MYLK: variants seen among roughly 807,000 people sequenced by gnomAD.
MYLK encodes myosin light chain kinase.
In MYLK, 106 loss-of-function variants were observed where a neutral mutation model predicts 203.4. The observed-to-expected ratio is 0.52, with a 90% CI of 0.45 to 0.61. MYLK has a LOEUF of 0.61. Ranked by LOEUF, MYLK falls within the 20% of genes least tolerant of loss-of-function variation. MYLK has a pLI of 0.00. For missense variants in MYLK, 2,072 were observed against 2,442.3 expected (o/e 0.85, Z 3.20); for synonymous variants, 867 against 959.5 (o/e 0.90, Z 1.78).
At chr3:123,850,504 G>C (rs1221041672) in intron 2 of MYLK, among the ~76,000 whole-genome samples, 2 of 152,182 alleles carry the variant, frequency 1.3e-5, no homozygotes, top group Non-Finnish European at 2.9e-5. Flanking sequence ...GTGATGATGA[G>C]CATTTTTTCA....
chr3:123,843,748 C>T (rs2066647869), intron 2 of MYLK, among the ~76,000 whole-genome samples: 1 of 152,152 alleles, frequency 6.6e-6, no homozygotes, highest in African/African-American at 2.4e-5. Context: ...TTCCCTGCCC[C>T]TCTCCTCCAT....
intron 1 of MYLK, among the ~76,000 whole-genome samples, chr3:123,879,305 C>G (rs2033363527): frequency 6.6e-6 from 1 of 152,166 alleles, no homozygotes; most frequent in South Asian, 2.1e-4. Flanking sequence ...AACCTCAGGA[C>G]AAGCACACCT....
Position 123,735,410 on chromosome 3 carries a change from T to C in MYLK, c.761A>G (p.Asp254Gly), listed in dbSNP as rs2062639989. 6.2e-7 allele frequency: 1 copy of C among 1,614,026 alleles called. No homozygotes were observed. Among genetic ancestry groups the C allele is most frequent in the South Asian group, 1.1e-5 (1 of 91,058 alleles). The change falls in exon 9 of 34, where the codon GAC (aspartate) becomes GGC (glycine). Residue 254 changes from aspartate (D) to glycine (G), a missense_variant. Asp to Gly is a moderately conservative substitution (Grantham distance 94). Around this residue, in one of 3 missense-constraint regions of MYLK, gnomAD observed 683 missense variants for 643.8 expected, o/e 1.06. Coordinates refer to ENST00000360304, the MANE Select transcript of MYLK (RefSeq NM_053025.4). The stretch of plus-strand genomic sequence containing the variant: ...AGCCTAGACATACCTATTGGCACTG[T>C]CCAAACCTGGAAAAAGGGGGAAGGG... Reference protein sequence around the residue: ...MSAELSIQGLDSANRSFVRET... With the variant: ...MSAELSIQGLGSANRSFVRET...
intron 18 of MYLK, among the ~76,000 whole-genome samples, chr3:123,693,342 T>C (rs896259668): frequency 6.6e-6 from 1 of 152,162 alleles, no homozygotes; most frequent in African/African-American, 2.4e-5. Flanking sequence ...TTTGAAGCTT[T>C]GAGCAAAGAA....
At chr3:123,689,762 T>C (rs1316028445) in intron 19 of MYLK, 2 of 152,254 alleles carry the variant, frequency 1.3e-5, no homozygotes, top group Non-Finnish European at 2.9e-5. Context: ...TTTAGCTCCC[T>C]TCTATGTGGC....
chr3:123,810,171 G>A (rs755244138), intron 3 of MYLK, among the ~76,000 whole-genome samples: 5 of 152,170 alleles, frequency 3.3e-5, no homozygotes, highest in African/African-American at 7.2e-5. Context: ...AAGGTGAGAG[G>A]TTCAACTACC....
At position 123,701,237 on chromosome 3, in the gene MYLK, CAAAAAA is replaced by C. The variant is rs35577296; in HGVS notation, c.2462+195_2462+200del. Among the ~76,000 whole-genome samples the C allele has an allele frequency of 3.4e-5, 4 of 116,242 alleles. No individual in the cohort carries two copies. The South Asian group carries it at 8.2e-4, about 24-fold the overall frequency. The allele number at this position is 116,242 out of a possible 152,430, so 76.3% of individuals were successfully genotyped here. Reference sequence around the variant, plus strand: ...TTCAGTAGCCTTATAAGGGTGTGTGCAAAAAAAAAAAAAAAAAAAATCACCCCCTCC... The same window carrying C: ...TTCAGTAGCCTTATAAGGGTGTGTGCAAAAAAAAAAAAAATCACCCCCTCC... On this transcript the variant is annotated intron_variant, in intron 17 of 33. Coordinates refer to ENST00000360304, the MANE Select transcript of MYLK (RefSeq NM_053025.4).
Position 123,735,382 on chromosome 3 carries a change from C to T in MYLK, c.773+16G>A, listed in dbSNP as rs746945590. On this transcript the variant is annotated intron_variant, in intron 9 of 33. Coordinates refer to ENST00000360304, the MANE Select transcript of MYLK (RefSeq NM_053025.4). ...TTCAAGAGGGAAAACGTAAAAGTCA[C>T]AAAGCCTAGACATACCTATTGGCAC... The T allele has an allele frequency of 2.5e-6, 4 of 1,613,994 alleles. No individual in the cohort carries two copies. The East Asian group carries it at 6.7e-5, about 27-fold the overall frequency.
chr3:123,708,607 T>C (rs184131742), intron 15 of MYLK, 91 bp downstream of exon 15: 2 of 1,468,966 alleles, frequency 1.4e-6, no homozygotes, highest in East Asian at 2.3e-5. Flanking sequence ...GGGAACAAAG[T>C]AGCCTCATGT....
intron 13 of MYLK, among the ~76,000 whole-genome samples, chr3:123,720,005 G>C (rs1461205050): frequency 6.6e-6 from 1 of 152,214 alleles, no homozygotes; most frequent in Non-Finnish European, 1.5e-5. Context: ...CCTATGCCAA[G>C]AGCCCAAATG....
At chr3:123,841,911 C>T (rs1387795830) in intron 2 of MYLK, among the ~76,000 whole-genome samples, 1 of 152,102 alleles carries the variant, frequency 6.6e-6, no homozygotes, top group Non-Finnish European at 1.5e-5. Context: ...AGAGAACTAA[C>T]ATTTATTAGG....
intron 24 of MYLK, among the ~76,000 whole-genome samples, chr3:123,656,668 C>T (rs1223892866): frequency 1.3e-5 from 2 of 152,056 alleles, no homozygotes; most frequent in African/African-American, 4.8e-5. Flanking sequence ...TCTTTTTTTA[C>T]CCAGCTATAA....
In MYLK at chr3:123,648,698, T is replaced by A. The variant is rs191447182; in HGVS notation, c.4415+273A>T. Among the ~76,000 whole-genome samples the A allele has an allele frequency of 1.8e-3, 268 of 152,146 alleles. 2 individuals carry two copies. Among genetic ancestry groups the A allele is most frequent in the African/African-American group, 6.2e-3 (258 of 41,494 alleles). On this transcript the variant is annotated intron_variant, in intron 26 of 33. Transcript: ENST00000360304. This position sits in a 1 kb window ranked among gnomAD's most constrained non-coding sequence, Gnocchi z 4.5. ...TTCCCCTCCCTGTGTCTCATTTTGG[T>A]CCTGGGCTCTGAACAGAGGCACAGA...
At position 123,664,141 on chromosome 3, in the gene MYLK, C is replaced by T. The variant is rs775014243; in HGVS notation, c.3949G>A (p.Gly1317Ser). Reference sequence around the variant, plus strand: ...AGGTTGACCTGGGCCTGCCTGCTGCCCAGCTTGTTCTCCACCAGCAGTGTG... The same window carrying T: ...AGGTTGACCTGGGCCTGCCTGCTGCTCAGCTTGTTCTCCACCAGCAGTGTG... ...CYTLLVENKL[G>S]SRQAQVNLTV... Residue 1317 changes from glycine to serine, a missense_variant, in exon 23 of 34, where the codon GGC becomes AGC. Around this residue, in one of 3 missense-constraint regions of MYLK, gnomAD observed 524 missense variants for 782.4 expected, o/e 0.67. Transcript: ENST00000360304. 5 of 1,613,994 alleles carry T rather than the reference C, an allele frequency of 3.1e-6. No individual in the cohort carries two copies. The highest frequency in any genetic ancestry group is 1.7e-5 in the Admixed American group (1 of 60,010).
chr3:123,670,852 A>T (rs1344444283), intron 20 of MYLK, among the ~76,000 whole-genome samples: 1 of 152,252 alleles, frequency 6.6e-6, no homozygotes, highest in African/African-American at 2.4e-5. Context: ...TTGACGTAGG[A>T]CATTTCTTTC....
At chr3:123,736,836 G>A (rs1324833201) in intron 8 of MYLK, among the ~76,000 whole-genome samples, 1 of 152,150 alleles carries the variant, frequency 6.6e-6, no homozygotes, top group Non-Finnish European at 1.5e-5. Flanking sequence ...GACATGGTGG[G>A]GGAGACTATG....
In MYLK at chr3:123,612,560, TAAAC is replaced by T. The variant is rs1299622733; in HGVS notation, c.*1541_*1544del. On this transcript the variant is annotated 3_prime_UTR_variant, in exon 34 of 34. Coordinates refer to ENST00000360304, the MANE Select transcript of MYLK (RefSeq NM_053025.4). ...ATCAAATAAAAACCCTTTATTATAATAAACTGTGGCAATACTGTGGCTATCATGA... is the reference window on the plus strand; with the variant it reads ...ATCAAATAAAAACCCTTTATTATAATTGTGGCAATACTGTGGCTATCATGA... 1 of 152,624 alleles carries T rather than the reference TAAAC, an allele frequency of 6.6e-6. No individual in the cohort carries two copies. Among genetic ancestry groups the T allele is most frequent in the Non-Finnish European group, 1.5e-5 (1 of 68,028 alleles). The allele number at this position is 152,624 out of a possible 1,614,324, so 9.5% of individuals were successfully genotyped here. A position where few individuals can be genotyped will look rare whatever the true frequency, so the allele number is the denominator to read the frequency against.
At chr3:123,694,480 C>T (rs1163135798) in intron 18 of MYLK, among the ~76,000 whole-genome samples, 2 of 152,154 alleles carry the variant, frequency 1.3e-5, no homozygotes, top group Non-Finnish European at 2.9e-5. Context: ...GCCAAGATGA[C>T]CTCTGGCCCC....
intron 2 of MYLK, among the ~76,000 whole-genome samples, chr3:123,875,300 T>A (rs2033081140): frequency 6.6e-6 from 1 of 152,168 alleles, no homozygotes; most frequent in Admixed American, 6.6e-5. Flanking sequence ...ACGAATAACC[T>A]ATTGATATAC....
Sources: allele counts gnomAD v4.1 joint callset (sites outside exome capture counted in the v4.1 genomes callset), GRCh38; gene constraint gnomAD v4.1.1; regional missense constraint gnomAD v4.1.1; non-coding constraint Gnocchi (gnomAD v3.1); transcripts MANE v1.5; gene names NCBI Gene and HGNC (gene_info 2026-07-23, HGNC 2026-07-21).